MAGI2: variants seen among roughly 807,000 people sequenced by gnomAD.
MAGI2 encodes membrane-associated guanylate kinase, WW and PDZ domain-containing protein 2.
MAGI2 carries 35 observed loss-of-function variants against 133.3 expected under a neutral mutation model. The ratio of observed to expected loss-of-function variants is 0.26; its 90% CI spans 0.20 to 0.35. The LOEUF (loss-of-function observed/expected upper bound fraction) is 0.35. MAGI2 is among the 10% of genes least tolerant of loss of function. The pLI is 1.00. For synonymous variants in MAGI2, 729 were observed against 710.6 expected (o/e 1.03, Z -0.41); for missense variants, 1,636 against 1,863.4 (o/e 0.88, Z 2.25).
chr7:79,379,424 G>A (rs537698392), intron 1 of MAGI2, among the ~76,000 whole-genome samples: 5 of 152,000 alleles, frequency 3.3e-5, no homozygotes, highest in South Asian at 4.2e-4. Context: ...GTAAACATAC[G>A]TGTGCATGTG....
chr7:78,256,166 A>G lies in MAGI2; in HGVS notation c.1824T>C (p.Ile608=), dbSNP rs1240987077. ...ATQAELMTLT[I]VKGAQGFGFT... is the part of the protein sequence containing the mutation. Reference sequence around the variant, plus strand: ...AGCCGAAGCCCTGGGCACCTTTCACAATGGTTAAGGTCATAAGTTCAGCTT... The same window carrying G: ...AGCCGAAGCCCTGGGCACCTTTCACGATGGTTAAGGTCATAAGTTCAGCTT... The change falls in exon 10 of 22, where the codon ATT becomes ATC. Residue 608 remains isoleucine, a synonymous_variant. Coordinates refer to ENST00000354212, the MANE Select transcript of MAGI2 (RefSeq NM_012301.4). The G allele has an allele frequency of 6.2e-7, 1 of 1,613,920 alleles. No individual in the cohort carries two copies. The highest frequency in any genetic ancestry group is 8.5e-7 in the Non-Finnish European group (1 of 1,179,966).
intron 1 of MAGI2, among the ~76,000 whole-genome samples, chr7:79,174,610 G>A (rs1380920166): frequency 6.6e-6 from 1 of 151,434 alleles, no homozygotes; most frequent in Non-Finnish European, 1.5e-5. Flanking sequence ...CCAGCACTTT[G>A]GGAGGCCAAG....
intron 3 of MAGI2, among the ~76,000 whole-genome samples, chr7:78,553,121 T>C (rs1584605597): frequency 6.8e-6 from 1 of 147,628 alleles, no homozygotes; most frequent in Non-Finnish European, 1.5e-5. Context: ...AACACCAAAG[T>C]GTATTCCAGA....
intron 2 of MAGI2, among the ~76,000 whole-genome samples, chr7:78,913,918 T>C (rs1798598154): frequency 6.6e-6 from 1 of 152,188 alleles, no homozygotes; most frequent in South Asian, 2.1e-4. Context: ...GATTCCATGC[T>C]CCTACCCTCC....
At chr7:78,816,162 A>C (rs1485889458) in intron 2 of MAGI2, among the ~76,000 whole-genome samples, 1 of 152,234 alleles carries the variant, frequency 6.6e-6, no homozygotes, top group East Asian at 1.9e-4. Flanking sequence ...CACCAGCTAC[A>C]TTTGCTGAAA....
chr7:78,882,615 CAA>C (rs1795964160), intron 2 of MAGI2, among the ~76,000 whole-genome samples: 1 of 151,978 alleles, frequency 6.6e-6, no homozygotes, highest in Admixed American at 6.6e-5. Flanking sequence ...AAACACTCAA[CAA>C]AACACTAACA....
intron 2 of MAGI2, among the ~76,000 whole-genome samples, chr7:78,669,726 G>A (rs1814111101): frequency 1.3e-5 from 2 of 152,134 alleles, no homozygotes; most frequent in South Asian, 2.1e-4. Flanking sequence ...TATCCACCAT[G>A]ATCAAGTGGG....
chr7:78,873,122 T>C (rs1228891108), intron 2 of MAGI2, among the ~76,000 whole-genome samples: 1 of 152,202 alleles, frequency 6.6e-6, no homozygotes, highest in Non-Finnish European at 1.5e-5. Context: ...AGACTAAGAC[T>C]GTAAATCTTC....
chr7:79,127,993 G>C (rs1330236002), intron 1 of MAGI2, among the ~76,000 whole-genome samples: 3 of 152,080 alleles, frequency 2.0e-5, no homozygotes, highest in Non-Finnish European at 4.4e-5. Flanking sequence ...GTAAGGAAGG[G>C]ATCCAGTTTC....
intron 9 of MAGI2, among the ~76,000 whole-genome samples, chr7:78,286,984 G>T (rs1036190139): frequency 2.0e-5 from 3 of 152,170 alleles, no homozygotes; most frequent in Non-Finnish European, 4.4e-5. Flanking sequence ...GCTGCACATG[G>T]TAAGTTGGGA....
chr7:78,305,705 G>A (rs1188953565), intron 9 of MAGI2, among the ~76,000 whole-genome samples: 2 of 152,052 alleles, frequency 1.3e-5, no homozygotes, highest in African/African-American at 4.8e-5. Flanking sequence ...ATTCTCCAAG[G>A]AACTGTATAC....
chr7:78,248,870 T>G (rs1414670629), intron 10 of MAGI2, among the ~76,000 whole-genome samples: 1 of 151,964 alleles, frequency 6.6e-6, no homozygotes, highest in African/African-American at 2.4e-5. Flanking sequence ...CAAATGGGAT[T>G]ACATCCAATT....
chr7:79,102,117 ATTT>A (rs1008984243), intron 1 of MAGI2, among the ~76,000 whole-genome samples: 1 of 151,896 alleles, frequency 6.6e-6, no homozygotes, highest in Non-Finnish European at 1.5e-5. Context: ...GTTTTGTTTT[ATTT>A]TATTTATTTT....
chr7:78,262,446 A>G (rs879649997), intron 9 of MAGI2, among the ~76,000 whole-genome samples: 1 of 152,028 alleles, frequency 6.6e-6, no homozygotes, highest in Non-Finnish European at 1.5e-5. Flanking sequence ...TTCGCTGTCA[A>G]CTCATCTTCC....
intron 2 of MAGI2, among the ~76,000 whole-genome samples, chr7:78,914,780 T>C (rs1193718083): frequency 1.3e-5 from 2 of 152,208 alleles, no homozygotes; most frequent in Non-Finnish European, 2.9e-5. Context: ...TGTCTCAGTA[T>C]GGCAAAAAAT....
At chr7:78,033,101 A>G (rs1809765262) in intron 21 of MAGI2, among the ~76,000 whole-genome samples, 1 of 152,166 alleles carries the variant, frequency 6.6e-6, no homozygotes, top group Non-Finnish European at 1.5e-5. Flanking sequence ...AGCTCGGGCA[A>G]GACATGATGG....
At chr7:78,725,368 A>G (rs1235358706) in intron 2 of MAGI2, among the ~76,000 whole-genome samples, 6 of 152,258 alleles carry the variant, frequency 3.9e-5, no homozygotes, top group South Asian at 2.1e-4. Flanking sequence ...AATCAGGTTT[A>G]TATGTTGTTT....
intron 1 of MAGI2, among the ~76,000 whole-genome samples, chr7:79,371,590 G>A (rs943623824): frequency 2.6e-5 from 4 of 152,056 alleles, no homozygotes; most frequent in African/African-American, 7.2e-5. Flanking sequence ...AGTTTGTAGC[G>A]TAGAAACAGT....
chr7:79,089,465 A>G lies in MAGI2; in HGVS notation c.302-82259T>C, dbSNP rs974631720. On this transcript the variant is annotated intron_variant, in intron 1 of 21. Coordinates refer to ENST00000354212, the MANE Select transcript of MAGI2 (RefSeq NM_012301.4). ...AATCCCATTACTGGGTATATACCCAAAAGATTATAAATCATGCTACTATAA... is the reference window on the plus strand; with the variant it reads ...AATCCCATTACTGGGTATATACCCAGAAGATTATAAATCATGCTACTATAA... Among the ~76,000 whole-genome samples, 3 of 152,148 alleles carry G rather than the reference A, an allele frequency of 2.0e-5. No individual in the cohort carries two copies. The South Asian group carries it at 6.2e-4, about 32-fold the overall frequency.
Sources: gnomAD v4.1 joint callset for allele counts (sites outside exome capture counted in the v4.1 genomes callset) on GRCh38, gnomAD v4.1.1 for gene constraint, MANE v1.5 for transcripts, NCBI Gene and HGNC (gene_info 2026-07-23, HGNC 2026-07-21) for gene names.